ZEB1: variants seen among roughly 807,000 people sequenced by gnomAD.
ZEB1 encodes zinc finger E-box binding homeobox 1.
A neutral mutation model predicts 84.9 loss-of-function variants in ZEB1; 21 were observed. The ratio of observed to expected loss-of-function variants is 0.25; its 90% CI spans 0.18 to 0.36. The LOEUF (loss-of-function observed/expected upper bound fraction) is 0.36. Among genes scored for constraint, ZEB1 ranks in the 10% least tolerant of loss-of-function variants. ZEB1 has a pLI of 1.00. For synonymous variants in ZEB1, 420 were observed against 471.1 expected, an observed-to-expected ratio of 0.89 and a Z score of 1.41; for missense variants, 1,104 against 1,330.2, an observed-to-expected ratio of 0.83 and a Z score of 2.65.
intron 1 of ZEB1, among the ~76,000 whole-genome samples, chr10:31,368,782 A>G (rs895412444): frequency 6.6e-6 from 1 of 152,194 alleles, no homozygotes; most frequent in South Asian, 2.1e-4. Context: ...GACTATGGGA[A>G]GTGGAGTAGG....
chr10:31,422,732 G>A (rs2056373694), intron 1 of ZEB1, among the ~76,000 whole-genome samples: 2 of 152,062 alleles, frequency 1.3e-5, no homozygotes, highest in Non-Finnish European at 2.9e-5. Flanking sequence ...GATATATTGT[G>A]TGATGCTAAG....
At chr10:31,503,825 G>A (rs545120558) in intron 4 of ZEB1, among the ~76,000 whole-genome samples, 1 of 152,050 alleles carries the variant, frequency 6.6e-6, no homozygotes, top group African/African-American at 2.4e-5. Context: ...GTGATGGTGA[G>A]CATTTTTTTG....
intron 1 of ZEB1, among the ~76,000 whole-genome samples, chr10:31,356,744 A>G (rs1037140437): frequency 1.3e-5 from 2 of 152,142 alleles, no homozygotes; most frequent in Non-Finnish European, 1.5e-5. Flanking sequence ...GGCCTTAACT[A>G]TAAAGAATTA....
At chr10:31,475,743 G>C (rs1213432844) in intron 2 of ZEB1, among the ~76,000 whole-genome samples, 1 of 152,094 alleles carries the variant, frequency 6.6e-6, no homozygotes, top group African/African-American at 2.4e-5. Context: ...CACATAGAGA[G>C]AATTCATCAC....
chr10:31,439,985 C>T (rs547288231), intron 1 of ZEB1, among the ~76,000 whole-genome samples: 1 of 152,196 alleles, frequency 6.6e-6, no homozygotes, highest in Admixed American at 6.5e-5. Context: ...AAGGTGGCAG[C>T]ACGGAGACCA....
intron 1 of ZEB1, among the ~76,000 whole-genome samples, chr10:31,426,375 G>C (rs186216436): frequency 6.6e-6 from 1 of 152,186 alleles, no homozygotes; most frequent in Admixed American, 6.5e-5. Flanking sequence ...GGGGAAAAGA[G>C]GACAGTTTAG....
chr10:31,438,247 A>G (rs2058507042), intron 1 of ZEB1, among the ~76,000 whole-genome samples: 1 of 152,132 alleles, frequency 6.6e-6, no homozygotes, highest in African/African-American at 2.4e-5. Flanking sequence ...CTTCCTTTTC[A>G]TTTTATATAA....
chr10:31,495,736 G>T, intron 2 of ZEB1, 40 bp from the exon 3 acceptor site: 2 of 1,606,276 alleles, frequency 1.2e-6, no homozygotes, highest in South Asian at 1.1e-5. Flanking sequence ...TTTGTATTAG[G>T]AACACTATAG....
chr10:31,321,618 G>C, intron 1 of ZEB1: 1 of 1,600,812 alleles, frequency 6.2e-7, no homozygotes, highest in Non-Finnish European at 8.6e-7. Flanking sequence ...TGTTGCTGAC[G>C]ACATGTGTGT....
chr10:31,459,947 T>G (rs1053760391), intron 1 of ZEB1, among the ~76,000 whole-genome samples: 2 of 151,566 alleles, frequency 1.3e-5, no homozygotes, highest in Non-Finnish European at 2.9e-5. Context: ...TGTTGGAAAA[T>G]TTAAGGAAGC....
At chr10:31,418,554 C>G (rs995936637) in intron 1 of ZEB1, among the ~76,000 whole-genome samples, 2 of 151,900 alleles carry the variant, frequency 1.3e-5, no homozygotes, top group South Asian at 4.2e-4. Context: ...AAAAACAGAA[C>G]TAGTTTGGTT....
At position 31,392,758 on chromosome 10, in the gene ZEB1, A is replaced by G. The variant is rs1374276366; in HGVS notation, c.59-68279A>G. 3.3e-5 allele frequency among the ~76,000 whole-genome samples: 5 copies of G among 151,760 alleles called. 1 individual carries two copies. The highest frequency in any genetic ancestry group is 3.9e-4 in the East Asian group (2 of 5,174). ...TCTGAAAGGAGTAGAAAACAAGGCA[A>G]CTTGGAACACTACATATATATAAAT... is the stretch of plus-strand genomic sequence containing the variant. On this transcript the variant is annotated intron_variant, in intron 1 of 8. Transcript: ENST00000424869.
intron 2 of ZEB1, among the ~76,000 whole-genome samples, 173 bp from the exon 3 acceptor site, chr10:31,495,603 T>C (rs2067111613): frequency 6.6e-6 from 1 of 152,108 alleles, no homozygotes; most frequent in Admixed American, 6.6e-5. Context: ...TTTAATCTTT[T>C]ATTGATATAT....
At chr10:31,513,864 A>G (rs1316362121) in intron 5 of ZEB1, among the ~76,000 whole-genome samples, 1 of 152,162 alleles carries the variant, frequency 6.6e-6, no homozygotes, top group Non-Finnish European at 1.5e-5. Flanking sequence ...TAATCTTGGA[A>G]TCTGTAGACT....
intron 1 of ZEB1, among the ~76,000 whole-genome samples, chr10:31,342,327 A>G (rs2039532058): frequency 6.6e-6 from 1 of 152,190 alleles, no homozygotes; most frequent in South Asian, 2.1e-4. Flanking sequence ...AATTGAGCCC[A>G]GGATTAGGGA....
intron 1 of ZEB1, among the ~76,000 whole-genome samples, chr10:31,407,229 A>G (rs1378648426): frequency 2.3e-4 from 32 of 140,804 alleles, no homozygotes; most frequent in African/African-American, 7.8e-5. Flanking sequence ...ATATCTCCCA[A>G]TGCTATCCCT....
chr10:31,496,111 G>T (rs2067196156), intron 3 of ZEB1, among the ~76,000 whole-genome samples: 1 of 152,060 alleles, frequency 6.6e-6, no homozygotes, highest in African/African-American at 2.4e-5. Context: ...AAAAATAAGT[G>T]TTTGAATGAT....
chr10:31,443,333 G>A (rs1326764515), intron 1 of ZEB1, among the ~76,000 whole-genome samples: 1 of 150,980 alleles, frequency 6.6e-6, no homozygotes, highest in South Asian at 2.1e-4. Context: ...TTTTTTCTGT[G>A]TATAGTTATG....
chr10:31,491,522 G>A (rs1030107635), intron 2 of ZEB1, among the ~76,000 whole-genome samples: 3 of 151,712 alleles, frequency 2.0e-5, no homozygotes, highest in African/African-American at 7.3e-5. Flanking sequence ...CCCACTTTCA[G>A]GTTTTAAGCT....
Sources: gnomAD v4.1 joint callset for allele counts (sites outside exome capture counted in the v4.1 genomes callset) on GRCh38, gnomAD v4.1.1 for gene constraint, MANE v1.5 for transcripts, NCBI Gene and HGNC (gene_info 2026-07-23, HGNC 2026-07-21) for gene names.